PSD3: variants seen among roughly 807,000 people sequenced by gnomAD.
PSD3 encodes the protein PH and SEC7 domain-containing protein 3.
Under a neutral mutation model 105.5 loss-of-function variants are expected in PSD3, and 49 were observed. The ratio of observed to expected loss-of-function variants is 0.46; its 90% CI spans 0.37 to 0.59. PSD3 has a LOEUF of 0.59. Among genes scored for constraint, PSD3 ranks in the 20% least tolerant of loss-of-function variants. PSD3 has a pLI of 0.00. For missense variants in PSD3, 1,561 were observed against 1,263.8 expected (o/e 1.24, Z -3.57); for synonymous variants, 557 against 457.8 (o/e 1.22, Z -2.77).
chr8:18,607,697 AAAAC>A lies in PSD3; in HGVS notation c.2411-7267_2411-7264del, dbSNP rs1368437327. Among the ~76,000 whole-genome samples the A allele has an allele frequency of 7.9e-5, 7 of 88,156 alleles. 1 individual carries two copies. Among genetic ancestry groups the A allele is most frequent in the South Asian group, 6.2e-4 (2 of 3,240 alleles). The allele number at this position is 88,156 out of a possible 152,430, so 57.8% of individuals were successfully genotyped here. On this transcript the variant is annotated intron_variant, in intron 11 of 15. Transcript: ENST00000327040. The stretch of plus-strand genomic sequence containing the variant: ...CTCCACTGCTACAAAAAAAAAAAAC[AAAAC>A]AAAAAAAAAAAGGAAGTCAGGTGTA...
chr8:18,863,362 T>G (rs984399784), intron 4 of PSD3, among the ~76,000 whole-genome samples: 1 of 152,162 alleles, frequency 6.6e-6, no homozygotes, highest in African/African-American at 2.4e-5. Context: ...TCCTTTCTAA[T>G]TTTGGAGCCA....
intron 9 of PSD3, among the ~76,000 whole-genome samples, chr8:18,718,390 G>A (rs888080042): frequency 6.6e-6 from 1 of 152,212 alleles, no homozygotes; most frequent in Non-Finnish European, 1.5e-5. Flanking sequence ...TATTATGTGT[G>A]TGCTTTGGTT....
chr8:18,788,201 A>T (rs953697420), intron 8 of PSD3, among the ~76,000 whole-genome samples: 11 of 152,216 alleles, frequency 7.2e-5, no homozygotes, highest in African/African-American at 2.4e-4. Flanking sequence ...ATCCTGATGT[A>T]TTCTATTCTC....
intron 4 of PSD3, among the ~76,000 whole-genome samples, chr8:18,836,709 C>A (rs1814138020): frequency 6.6e-6 from 1 of 152,066 alleles, no homozygotes; most frequent in Non-Finnish European, 1.5e-5. Context: ...CACTTTAAAT[C>A]ATCTCTAGAT....
intron 15 of PSD3, among the ~76,000 whole-genome samples, chr8:18,544,173 A>AAAAAAAAAAAAAAAAAAAAAAAAAC (rs1800316152): frequency 5.9e-5 from 1 of 16,814 alleles, no homozygotes; most frequent in African/African-American, 1.5e-4. Flanking sequence ...AAACAAACCA[A>AAAAAAAAAAAAAAAAAAAAAAAAAC]AAAAAAAAAA....
At chr8:18,589,172 G>C (rs1163295781) in intron 12 of PSD3, among the ~76,000 whole-genome samples, 1 of 152,170 alleles carries the variant, frequency 6.6e-6, no homozygotes, top group Non-Finnish European at 1.5e-5. Context: ...GGCCAGAGTA[G>C]CTGACTTATA....
At chr8:19,067,606 G>C (rs1829120362) in intron 1 of PSD3, among the ~76,000 whole-genome samples, 2 of 152,162 alleles carry the variant, frequency 1.3e-5, no homozygotes, top group Non-Finnish European at 2.9e-5. Context: ...GGTGGTTCAG[G>C]CACAGAGGCT....
At chr8:18,891,691 G>A (rs1333342623) in intron 2 of PSD3, among the ~76,000 whole-genome samples, 2 of 151,614 alleles carry the variant, frequency 1.3e-5, no homozygotes, top group African/African-American at 4.8e-5. Context: ...TTTTTACCCT[G>A]TTTTAGTGAT....
intron 14 of PSD3, among the ~76,000 whole-genome samples, chr8:18,566,471 A>G (rs186392990): frequency 6.6e-6 from 1 of 151,126 alleles, no homozygotes; most frequent in Non-Finnish European, 1.5e-5. Flanking sequence ...GATTGCAGTG[A>G]GCCGAGATCA....
In PSD3 at chr8:18,655,643, C is replaced by T; in HGVS notation, c.2215G>A (p.Val739Ile). 6.2e-7 allele frequency: 1 copy of T among 1,613,778 alleles called. No individual in the cohort carries two copies. Among genetic ancestry groups the T allele is most frequent in the Non-Finnish European group, 8.5e-7 (1 of 1,179,692 alleles). Reference protein sequence around the residue: ...SIKNEKLEWAVDDEEKKKSPS... With the variant: ...SIKNEKLEWAIDDEEKKKSPS... ...AAGGCTGACGTCCAGCACACTTACA[C>T]TGCCCATTCAAGCTTCTCATTCTTG... The change falls in exon 10 of 16, where the codon GTA becomes ATA. Residue 739 changes from valine (V) to isoleucine (I), a missense_variant and splice_region_variant. Transcript: ENST00000327040.
chr8:18,891,438 C>G (rs17127406), intron 2 of PSD3, among the ~76,000 whole-genome samples: 7,125 of 152,072 alleles, frequency 0.047, 208 homozygotes, highest in South Asian at 0.082. Flanking sequence ...CTACAGTCTC[C>G]TTATCTTGCA....
intron 1 of PSD3, among the ~76,000 whole-genome samples, chr8:19,062,091 T>C (rs1007430807): frequency 1.3e-5 from 2 of 152,218 alleles, no homozygotes; most frequent in Non-Finnish European, 2.9e-5. Flanking sequence ...ACTTCCTTTA[T>C]GGCACCTAGT....
At chr8:18,608,690 T>G (rs1805040467) in intron 11 of PSD3, among the ~76,000 whole-genome samples, 2 of 152,226 alleles carry the variant, frequency 1.3e-5, no homozygotes, top group South Asian at 4.1e-4. Context: ...ATCACCCCTC[T>G]TTCATAAAGA....
chr8:18,800,452 C>G (rs1810579333), intron 7 of PSD3, among the ~76,000 whole-genome samples: 1 of 152,180 alleles, frequency 6.6e-6, no homozygotes, highest in Non-Finnish European at 1.5e-5. Flanking sequence ...ACTGGCAATA[C>G]TGAAGCTAAG....
At chr8:18,808,287 C>A (rs1381529144) in intron 4 of PSD3, among the ~76,000 whole-genome samples, 2 of 152,208 alleles carry the variant, frequency 1.3e-5, no homozygotes, top group African/African-American at 4.8e-5. Flanking sequence ...TAAACCACTA[C>A]TCACTGCTCA....
chr8:19,019,775 G>A (rs985105156), intron 1 of PSD3, among the ~76,000 whole-genome samples: 3 of 152,174 alleles, frequency 2.0e-5, no homozygotes, highest in Non-Finnish European at 2.9e-5. Context: ...AATTCACCAC[G>A]GTACTTGCCT....
chr8:18,551,948 G>A (rs1800795578), intron 15 of PSD3, among the ~76,000 whole-genome samples: 2 of 152,176 alleles, frequency 1.3e-5, no homozygotes, highest in South Asian at 4.1e-4. Context: ...CCAGAGCAAT[G>A]ACACTTACTG....
chr8:18,821,929 T>C (rs2129449491), intron 4 of PSD3, among the ~76,000 whole-genome samples: 1 of 150,372 alleles, frequency 6.7e-6, no homozygotes, highest in East Asian at 2.0e-4. Context: ...ACAACCTCCA[T>C]CCTAAGAAAA....
At chr8:18,778,360 T>G (rs1401583622) in intron 8 of PSD3, among the ~76,000 whole-genome samples, 1 of 152,186 alleles carries the variant, frequency 6.6e-6, no homozygotes, top group African/African-American at 2.4e-5. Flanking sequence ...ATCTAAGAGT[T>G]TCAGGTAGAG....
Sources: allele counts gnomAD v4.1 joint callset (sites outside exome capture counted in the v4.1 genomes callset), GRCh38; gene constraint gnomAD v4.1.1; transcripts MANE v1.5; gene names NCBI Gene and HGNC (gene_info 2026-07-23, HGNC 2026-07-21).